The following HSD17B12 variants were observed in gnomAD, a reference collection of about 807,000 sequenced individuals.
HSD17B12 encodes hydroxysteroid 17-beta dehydrogenase 12.
Under a neutral mutation model 39.3 loss-of-function variants are expected in HSD17B12, and 32 were observed. The observed-to-expected ratio is 0.81, with a 90% CI of 0.61 to 1.09. The LOEUF (loss-of-function observed/expected upper bound fraction) is 1.09. Among genes scored for constraint, HSD17B12 ranks in the 50% least tolerant of loss-of-function variants. HSD17B12 has a pLI of 0.00. For synonymous variants in HSD17B12, 150 were observed against 146.7 expected (o/e 1.02, Z -0.16); for missense variants, 342 against 382.9 (o/e 0.89, Z 0.89).
intron 9 of HSD17B12, chr11:43,854,476 T>A: frequency 2.3e-6 from 1 of 444,384 alleles, no homozygotes; most frequent in South Asian, 4.3e-5. Flanking sequence ...TTCTGCTTAT[T>A]TTTAATACTT....
the HSD17B12 span, among the ~76,000 whole-genome samples, chr11:43,664,876 G>T: frequency 6.6e-6 from 1 of 152,126 alleles, no homozygotes; most frequent in Non-Finnish European, 1.5e-5. Context: ...AATATTCTTG[G>T]TTTTTGGAAA....
In HSD17B12 at chr11:43,750,039, G is replaced by T. The variant is rs1950450473; in HGVS notation, c.161-872G>T. Among the ~76,000 whole-genome samples, 3 of 152,026 alleles carry T rather than the reference G, an allele frequency of 2.0e-5. No individual in the cohort carries two copies. The South Asian group carries it at 6.2e-4, about 32-fold the overall frequency. The stretch of plus-strand genomic sequence containing the variant: ...TGTAAGGCAAATATGGTTTCTCATA[G>T]AATAATTAAGACCATTTTCTATTTA... On this transcript the variant is annotated intron_variant, in intron 1 of 10. Transcript: ENST00000278353.
At chr11:43,601,895 T>C in the HSD17B12 span, among the ~76,000 whole-genome samples, 1 of 152,226 alleles carries the variant, frequency 6.6e-6, no homozygotes, top group Admixed American at 6.5e-5. Context: ...TCACCAGAGC[T>C]TTTGAAGAGT....
At chr11:43,833,342 T>A (rs1032706496) in intron 7 of HSD17B12, 2 of 152,116 alleles carry the variant, frequency 1.3e-5, no homozygotes, top group African/African-American at 4.8e-5. Context: ...TTCCCTCCCC[T>A]CTCTACCCGT....
the HSD17B12 span, among the ~76,000 whole-genome samples, chr11:43,611,311 A>C: frequency 1.3e-5 from 2 of 152,210 alleles, no homozygotes; most frequent in Non-Finnish European, 2.9e-5. Flanking sequence ...TGTGCTTTTG[A>C]ATTACTCATC....
chr11:43,557,685 G>A, the HSD17B12 span, among the ~76,000 whole-genome samples: 1 of 152,148 alleles, frequency 6.6e-6, no homozygotes, highest in Non-Finnish European at 1.5e-5. Flanking sequence ...GAGGAAAACC[G>A]CCTGAAAAGG....
At chr11:43,597,953 T>C in the HSD17B12 span, among the ~76,000 whole-genome samples, 2 of 152,156 alleles carry the variant, frequency 1.3e-5, no homozygotes, top group East Asian at 3.9e-4. Flanking sequence ...CTTTTCTTTT[T>C]TGTATCACTT....
chr11:43,711,566 C>T (rs988571436), intron 1 of HSD17B12, among the ~76,000 whole-genome samples: 4 of 151,436 alleles, frequency 2.6e-5, no homozygotes, highest in African/African-American at 9.7e-5. Flanking sequence ...CATCAGCCTC[C>T]CGGGCTTAAG....
At chr11:43,667,155 A>G in the HSD17B12 span, among the ~76,000 whole-genome samples, 1 of 151,924 alleles carries the variant, frequency 6.6e-6, no homozygotes, top group African/African-American at 2.4e-5. Context: ...GAGTTTATTT[A>G]TTTTTTATTT....
Position 43,693,885 on chromosome 11 carries a change from C to G in HSD17B12, c.160+12898C>G, listed in dbSNP as rs1949886096. On this transcript the variant is annotated intron_variant, in intron 1 of 10. Transcript: ENST00000278353. Reference sequence around the variant, plus strand: ...CAGTACTCATACAGTAGACAGGTTCCCCTGATCTTGCACATCCAATCTTAT... The same window carrying G: ...CAGTACTCATACAGTAGACAGGTTCGCCTGATCTTGCACATCCAATCTTAT... Among the ~76,000 whole-genome samples, 7 of 152,278 alleles carry G rather than the reference C, an allele frequency of 4.6e-5. No homozygotes were observed. The South Asian group carries it at 1.5e-3, about 32-fold the overall frequency.
intron 1 of HSD17B12, among the ~76,000 whole-genome samples, chr11:43,714,436 A>G (rs1950100885): frequency 6.6e-6 from 1 of 151,990 alleles, no homozygotes; most frequent in South Asian, 2.1e-4. Context: ...ATAGTTGTAG[A>G]TGTGTGGTAT....
intron 3 of HSD17B12, among the ~76,000 whole-genome samples, chr11:43,768,780 C>T (rs1251752442): frequency 6.6e-6 from 1 of 152,196 alleles, no homozygotes; most frequent in Non-Finnish European, 1.5e-5. Flanking sequence ...CCGTGGCTGG[C>T]TCTGGTGGCC....
chr11:43,566,981 T>C, the HSD17B12 span, among the ~76,000 whole-genome samples: 8 of 152,220 alleles, frequency 5.3e-5, no homozygotes, highest in Non-Finnish European at 1.2e-4. Context: ...ACAGTCATAT[T>C]AGGTCTTTTG....
chr11:43,637,238 T>TTTA, the HSD17B12 span, among the ~76,000 whole-genome samples: 2 of 137,156 alleles, frequency 1.5e-5, no homozygotes, highest in African/African-American at 2.7e-5. Flanking sequence ...TTTTTTTTTT[T>TTTA]GAGACGGAGT....
chr11:43,562,158 A>G, the HSD17B12 span, among the ~76,000 whole-genome samples: 7 of 152,362 alleles, frequency 4.6e-5, 1 homozygote, highest in African/African-American at 1.7e-4. Flanking sequence ...AAAGCACTCT[A>G]GATAAGTAAG....
the HSD17B12 span, among the ~76,000 whole-genome samples, chr11:43,641,653 C>G: frequency 6.6e-6 from 1 of 151,862 alleles, no homozygotes. Context: ...TGTGTGAACT[C>G]TTTTCAGTGT....
chr11:43,574,591 T>C, the HSD17B12 span, among the ~76,000 whole-genome samples: 4 of 152,232 alleles, frequency 2.6e-5, no homozygotes, highest in African/African-American at 7.2e-5. Context: ...AGGTGTGGCA[T>C]TTCTTCTGCT....
chr11:43,641,302 TC>T, the HSD17B12 span, among the ~76,000 whole-genome samples: 1 of 151,948 alleles, frequency 6.6e-6, no homozygotes, highest in Non-Finnish European at 1.5e-5. Flanking sequence ...CCATGATCCA[TC>T]TTTTAAAAAT....
Position 43,680,754 on chromosome 11 carries a change from C to A in HSD17B12, c.-74C>A. On this transcript the variant is annotated 5_prime_UTR_variant, in exon 1 of 11. Coordinates refer to ENST00000278353, the MANE Select transcript of HSD17B12 (RefSeq NM_016142.3). ...CCTATTAGTGTCATCCTCACCGTCACGGCCGGCGCCTCCTCCTGGATTCAT... is the reference window on the plus strand; with the variant it reads ...CCTATTAGTGTCATCCTCACCGTCAAGGCCGGCGCCTCCTCCTGGATTCAT... The A allele has an allele frequency of 1.5e-6, 2 of 1,376,608 alleles. No homozygotes were observed. Among genetic ancestry groups the A allele is most frequent in the Non-Finnish European group, 1.0e-6 (1 of 966,002 alleles). The allele number at this position is 1,376,608 out of a possible 1,614,324, so 85.3% of individuals were successfully genotyped here.
Sources: gnomAD v4.1 joint callset for allele counts (sites outside exome capture counted in the v4.1 genomes callset) on GRCh38, gnomAD v4.1.1 for gene constraint, MANE v1.5 for transcripts, NCBI Gene and HGNC (gene_info 2026-07-23, HGNC 2026-07-21) for gene names.